Variants in XKR4 observed in about 807,000 individuals in gnomAD.
XKR4 encodes XK related 4.
A neutral mutation model predicts 53.9 loss-of-function variants in XKR4; 12 were observed. That is an observed-to-expected ratio of 0.22 (90% confidence interval 0.14 to 0.36). The LOEUF (loss-of-function observed/expected upper bound fraction) is 0.36, where lower values mean the gene tolerates loss of function less well. Among genes scored for constraint, XKR4 ranks in the 10% least tolerant of loss-of-function variants. The pLI is 1.00. For missense variants in XKR4, 799 were observed against 859.5 expected (o/e 0.93, Z 0.88); for synonymous variants, 354 against 362.4 (o/e 0.98, Z 0.26).
At chr8:55,291,779 A>G (rs1819024564) in intron 1 of XKR4, among the ~76,000 whole-genome samples, 1 of 152,138 alleles carries the variant, frequency 6.6e-6, no homozygotes. Context: ...GGGATTTTCT[A>G]TGTAGACAAT....
chr8:55,152,488 T>C (rs941363203), intron 1 of XKR4, among the ~76,000 whole-genome samples: 6 of 152,194 alleles, frequency 3.9e-5, no homozygotes, highest in Non-Finnish European at 7.3e-5. Flanking sequence ...GAAAATTTTT[T>C]TGTCTTCAAA....
chr8:55,145,095 G>C (rs1287041350), intron 1 of XKR4, among the ~76,000 whole-genome samples: 1 of 152,120 alleles, frequency 6.6e-6, no homozygotes, highest in Non-Finnish European at 1.5e-5. Flanking sequence ...GGCTCTCAAA[G>C]TGCTGGGATT....
At chr8:55,300,942 G>C (rs1819184602) in intron 1 of XKR4, among the ~76,000 whole-genome samples, 1 of 151,976 alleles carries the variant, frequency 6.6e-6, no homozygotes, top group Non-Finnish European at 1.5e-5. Context: ...GATGAAATGA[G>C]GTCCAAACTG....
intron 1 of XKR4, among the ~76,000 whole-genome samples, chr8:55,113,924 A>G (rs1816270147): frequency 6.6e-6 from 1 of 152,200 alleles, no homozygotes; most frequent in Non-Finnish European, 1.5e-5. Context: ...TAGTGGCTGT[A>G]TAGTATTCCA....
intron 2 of XKR4, among the ~76,000 whole-genome samples, chr8:55,510,722 T>C (rs1806613331): frequency 6.6e-6 from 1 of 152,240 alleles, no homozygotes. Flanking sequence ...CTTCATCATA[T>C]TATTAGATGC....
chr8:55,358,818 G>T (rs1803857023), intron 2 of XKR4, among the ~76,000 whole-genome samples: 1 of 152,206 alleles, frequency 6.6e-6, no homozygotes, highest in Non-Finnish European at 1.5e-5. Flanking sequence ...CCCTTGTGCT[G>T]GGTCATGCTC....
At chr8:55,429,981 T>A (rs1360423313) in intron 2 of XKR4, among the ~76,000 whole-genome samples, 1 of 152,136 alleles carries the variant, frequency 6.6e-6, no homozygotes, top group Non-Finnish European at 1.5e-5. Context: ...GGGCAAATGA[T>A]ATGAAGAGAC....
chr8:55,280,598 A>G (rs989432358), intron 1 of XKR4, among the ~76,000 whole-genome samples: 5 of 152,238 alleles, frequency 3.3e-5, no homozygotes, highest in Admixed American at 2.0e-4. Context: ...AATTGTTTTC[A>G]ATGAGTGGAC....
intron 1 of XKR4, among the ~76,000 whole-genome samples, chr8:55,112,219 T>C (rs1041417497): frequency 2.0e-5 from 3 of 152,234 alleles, no homozygotes; most frequent in African/African-American, 7.2e-5. Context: ...TCAGTTCTAC[T>C]TCTTTTGTTT....
At chr8:55,328,398 A>C (rs1803326830) in intron 1 of XKR4, among the ~76,000 whole-genome samples, 1 of 152,182 alleles carries the variant, frequency 6.6e-6, no homozygotes, top group South Asian at 2.1e-4. Context: ...GATACCATGC[A>C]AGTGCTATAT....
At chr8:55,166,197 C>T (rs1479113600) in intron 1 of XKR4, among the ~76,000 whole-genome samples, 2 of 152,148 alleles carry the variant, frequency 1.3e-5, no homozygotes, top group East Asian at 1.9e-4. Flanking sequence ...TTGCTCAATT[C>T]AACTGTATCT....
intron 1 of XKR4, among the ~76,000 whole-genome samples, chr8:55,139,673 G>GT (rs11354906): frequency 0.58 from 87,257 of 149,892 alleles, 25,567 homozygotes; most frequent in South Asian, 0.73. Context: ...AATAGTAGCT[G>GT]TTTTTTTTTT....
At chr8:55,358,855 C>T (rs1209743240) in intron 2 of XKR4, among the ~76,000 whole-genome samples, 1 of 152,114 alleles carries the variant, frequency 6.6e-6, no homozygotes, top group Non-Finnish European at 1.5e-5. Context: ...CTGGTTGGTC[C>T]GGGGAATCTC....
At chr8:55,277,511 C>G (rs1818780826) in intron 1 of XKR4, among the ~76,000 whole-genome samples, 1 of 152,106 alleles carries the variant, frequency 6.6e-6, no homozygotes, top group Admixed American at 6.5e-5. Flanking sequence ...TTCATTTCTA[C>G]TTTATGTACA....
At chr8:55,302,656 T>C (rs1273417762) in intron 1 of XKR4, among the ~76,000 whole-genome samples, 1,906 of 152,276 alleles carry the variant, frequency 0.013, 29 homozygotes, top group African/African-American at 0.043. Context: ...TTTGTTTGTA[T>C]CCTCTTTTAT....
chr8:55,163,623 A>G (rs142119292), intron 1 of XKR4, among the ~76,000 whole-genome samples: 4,599 of 152,284 alleles, frequency 0.03, 180 homozygotes, highest in East Asian at 0.12. Context: ...GGGTGGGCTG[A>G]TCACCTGAGT....
At chr8:55,356,647 C>T (rs982824250) in intron 1 of XKR4, among the ~76,000 whole-genome samples, 3 of 152,050 alleles carry the variant, frequency 2.0e-5, no homozygotes, top group Non-Finnish European at 4.4e-5. Context: ...AAATAAAATA[C>T]TTATAGATGA....
chr8:55,407,287 C>T (rs1804698266), intron 2 of XKR4, among the ~76,000 whole-genome samples: 1 of 152,180 alleles, frequency 6.6e-6, no homozygotes, highest in Non-Finnish European at 1.5e-5. Context: ...AAGAACATGT[C>T]GGGTGTGAAG....
chr8:55,125,662 A>C (rs6983704), intron 1 of XKR4, among the ~76,000 whole-genome samples: 47,712 of 152,110 alleles, frequency 0.31, 9,136 homozygotes, highest in African/African-American at 0.55. Flanking sequence ...CAATATATTA[A>C]ACACAAAAGC....
Sources: allele counts gnomAD v4.1 joint callset (sites outside exome capture counted in the v4.1 genomes callset), GRCh38; gene constraint gnomAD v4.1.1; transcripts MANE v1.5; gene names NCBI Gene and HGNC (gene_info 2026-07-23, HGNC 2026-07-21).